Variants in RGS6 observed in about 807,000 individuals in gnomAD.
RGS6 encodes regulator of G protein signaling 6.
A neutral mutation model predicts 78.5 loss-of-function variants in RGS6; 30 were observed. That is an observed-to-expected ratio of 0.38 (90% CI 0.29 to 0.52). The LOEUF (loss-of-function observed/expected upper bound fraction) is 0.52, where lower values mean the gene tolerates loss of function less well. RGS6 is among the 20% of genes least tolerant of loss of function. The probability of loss-of-function intolerance (pLI) is 0.85; values close to 1 mark genes in which losing one functional copy is unlikely to be tolerated. For synonymous variants in RGS6, 206 were observed against 206.0 expected, an observed-to-expected ratio of 1.00 and a Z score of 0.00; for missense variants, 495 against 609.7, an observed-to-expected ratio of 0.81 and a Z score of 1.98.
At chr14:72,325,355 T>G (rs2073433953) in intron 2 of RGS6, among the ~76,000 whole-genome samples, 1 of 152,200 alleles carries the variant, frequency 6.6e-6, no homozygotes, top group African/African-American at 2.4e-5. Context: ...CTCTTTAGTT[T>G]AATTAGATCC....
chr14:72,157,646 G>T (rs771128993), intron 2 of RGS6, among the ~76,000 whole-genome samples: 2 of 152,202 alleles, frequency 1.3e-5, no homozygotes, highest in Non-Finnish European at 2.9e-5. Context: ...TGGAGGCAGT[G>T]GGGGAGCTGC....
At chr14:72,192,392 ACT>A (rs779685518) in intron 2 of RGS6, among the ~76,000 whole-genome samples, 37 of 152,268 alleles carry the variant, frequency 2.4e-4, no homozygotes, top group Non-Finnish European at 4.7e-4. Context: ...GAGGAAAGTG[ACT>A]CTCAGAGATG....
At chr14:72,228,094 G>T (rs1319431893) in intron 2 of RGS6, among the ~76,000 whole-genome samples, 1 of 152,070 alleles carries the variant, frequency 6.6e-6, no homozygotes. Context: ...AAATACAAAA[G>T]TAGGCCAGGC....
intron 2 of RGS6, among the ~76,000 whole-genome samples, chr14:72,254,703 A>C (rs940787920): frequency 2.0e-5 from 3 of 152,164 alleles, no homozygotes; most frequent in African/African-American, 7.2e-5. Flanking sequence ...AAATCACAGA[A>C]GCAGCAATCC....
chr14:72,263,323 G>A (rs1269019311), intron 2 of RGS6, among the ~76,000 whole-genome samples: 2 of 152,134 alleles, frequency 1.3e-5, no homozygotes, highest in African/African-American at 4.8e-5. Flanking sequence ...GTCAACTGAT[G>A]TCATGTTGGC....
intron 2 of RGS6, among the ~76,000 whole-genome samples, chr14:72,008,206 C>A (rs1446821103): frequency 6.6e-6 from 1 of 152,154 alleles, no homozygotes; most frequent in Non-Finnish European, 1.5e-5. Flanking sequence ...TTATCCTCTC[C>A]TTATCCTGCC....
rs147927363 is a variant in RGS6 at position 72,070,788 on chromosome 14, TA to T, written c.84+105916del. ...AACCTAGGCTCAAGTACTCTGGAGTTAAACAAGTGGCCCAAGGCAAAAGCCA... is the reference window on the plus strand; with the variant it reads ...AACCTAGGCTCAAGTACTCTGGAGTTAACAAGTGGCCCAAGGCAAAAGCCA... On this transcript the variant is annotated intron_variant, in intron 2 of 17. Transcript: ENST00000553525. 4.5e-3 allele frequency among the ~76,000 whole-genome samples: 688 copies of T among 152,336 alleles called. 2 individuals carry two copies. Among genetic ancestry groups the T allele is most frequent in the African/African-American group, 0.015 (616 of 41,576 alleles).
chr14:72,263,888 T>G (rs540904528), intron 2 of RGS6, among the ~76,000 whole-genome samples: 1 of 152,238 alleles, frequency 6.6e-6, no homozygotes. Flanking sequence ...CTCATGTGAA[T>G]GTAGGTGCTC....
intron 3 of RGS6, among the ~76,000 whole-genome samples, chr14:72,385,059 A>G (rs1314552576): frequency 6.6e-6 from 1 of 151,928 alleles, no homozygotes; most frequent in Non-Finnish European, 1.5e-5. Flanking sequence ...CGGTTTGCAT[A>G]TTTGTAACGG....
At chr14:72,335,024 G>A (rs932689085) in intron 2 of RGS6, among the ~76,000 whole-genome samples, 14 of 151,890 alleles carry the variant, frequency 9.2e-5, no homozygotes, top group Admixed American at 4.6e-4. Context: ...TCATGGGGGG[G>A]CAGGTCTTTC....
chr14:72,277,925 CAAAAT>C (rs1316840855), intron 2 of RGS6, among the ~76,000 whole-genome samples: 1 of 152,074 alleles, frequency 6.6e-6, no homozygotes, highest in African/African-American at 2.4e-5. Flanking sequence ...GACTATGTCT[CAAAAT>C]AATAAAATAA....
chr14:71,878,465 G>A, the RGS6 span, among the ~76,000 whole-genome samples: 1 of 152,192 alleles, frequency 6.6e-6, no homozygotes. Flanking sequence ...GGCTCCATGG[G>A]CGTGGGACCC....
chr14:72,293,358 T>G (rs2064002117), intron 2 of RGS6, among the ~76,000 whole-genome samples: 1 of 152,190 alleles, frequency 6.6e-6, no homozygotes. Flanking sequence ...GAGGTCTGTT[T>G]GCAAAAAATG....
intron 2 of RGS6, among the ~76,000 whole-genome samples, chr14:72,019,802 G>A (rs2087973320): frequency 6.6e-6 from 1 of 152,168 alleles, no homozygotes; most frequent in African/African-American, 2.4e-5. Flanking sequence ...AATGACTGGG[G>A]ATGGACTCCA....
intron 2 of RGS6, among the ~76,000 whole-genome samples, chr14:72,283,551 C>G (rs1038483943): frequency 3.9e-5 from 6 of 152,220 alleles, no homozygotes; most frequent in Non-Finnish European, 8.8e-5. Context: ...CTCACTCTCT[C>G]TTGTCTGCCA....
intron 2 of RGS6, among the ~76,000 whole-genome samples, chr14:72,310,679 G>T (rs545317319): frequency 3.9e-5 from 6 of 152,140 alleles, no homozygotes; most frequent in Non-Finnish European, 7.3e-5. Flanking sequence ...AGTGAAGGCT[G>T]GAGTCACACC....
At chr14:72,103,969 G>A (rs1360596312) in intron 2 of RGS6, among the ~76,000 whole-genome samples, 1 of 152,240 alleles carries the variant, frequency 6.6e-6, no homozygotes, top group Admixed American at 6.5e-5. Flanking sequence ...GAAGCTCTTA[G>A]AATGCCTAGT....
intron 2 of RGS6, among the ~76,000 whole-genome samples, chr14:72,238,323 G>C (rs1487285534): frequency 6.6e-6 from 1 of 152,214 alleles, no homozygotes; most frequent in African/African-American, 2.4e-5. Context: ...GGAAAACAGG[G>C]ATAACTCTTC....
At chr14:72,315,505 CTG>C (rs1595704597) in intron 2 of RGS6, among the ~76,000 whole-genome samples, 2 of 152,268 alleles carry the variant, frequency 1.3e-5, no homozygotes, top group East Asian at 3.9e-4. Context: ...CTGGAGAGAA[CTG>C]TAATTCACTG....
Sources: allele counts gnomAD v4.1 joint callset (sites outside exome capture counted in the v4.1 genomes callset), GRCh38; gene constraint gnomAD v4.1.1; transcripts MANE v1.5; gene names NCBI Gene and HGNC (gene_info 2026-07-23, HGNC 2026-07-21).